GPC5: variants seen among roughly 807,000 people sequenced by gnomAD.
The protein encoded by GPC5 is glypican-5.
A neutral mutation model predicts 53.9 loss-of-function variants in GPC5; 47 were observed. That is an observed-to-expected ratio of 0.87 (90% CI 0.69 to 1.11). The LOEUF (loss-of-function observed/expected upper bound fraction) is 1.11, where lower values mean the gene tolerates loss of function less well. Ranked by LOEUF, GPC5 falls within the 50% of genes most tolerant of loss-of-function variation. The pLI is 0.00. For missense variants in GPC5, 748 were observed against 713.1 expected (o/e 1.05, Z -0.56); for synonymous variants, 286 against 263.3 (o/e 1.09, Z -0.84).
intron 1 of GPC5, among the ~76,000 whole-genome samples, chr13:91,433,061 A>G (rs1879622330): frequency 6.6e-6 from 1 of 152,174 alleles, no homozygotes; most frequent in Non-Finnish European, 1.5e-5. Context: ...ATTGGAGCTC[A>G]TAGTCTTGGA....
intron 5 of GPC5, among the ~76,000 whole-genome samples, chr13:91,826,104 G>A (rs2138844773): frequency 6.6e-6 from 1 of 151,660 alleles, no homozygotes; most frequent in East Asian, 1.9e-4. Flanking sequence ...AACTTCAGTT[G>A]AAAATAATAA....
chr13:92,121,375 A>C (rs1236854864), intron 6 of GPC5, among the ~76,000 whole-genome samples: 1 of 152,176 alleles, frequency 6.6e-6, no homozygotes, highest in African/African-American at 2.4e-5. Flanking sequence ...CTCTTTGAGA[A>C]GTCACACAAA....
At chr13:92,291,270 C>G (rs2042993477) in intron 7 of GPC5, among the ~76,000 whole-genome samples, 1 of 152,162 alleles carries the variant, frequency 6.6e-6, no homozygotes, top group Non-Finnish European at 1.5e-5. Flanking sequence ...CACCTGCCGC[C>G]CTGTGCAGGA....
chr13:91,829,418 A>G (rs80129308), intron 5 of GPC5, among the ~76,000 whole-genome samples: 1 of 152,100 alleles, frequency 6.6e-6, no homozygotes, highest in Non-Finnish European at 1.5e-5. Flanking sequence ...GGAGGACATA[A>G]TGAGGACATA....
intron 6 of GPC5, among the ~76,000 whole-genome samples, chr13:92,050,436 G>T (rs1049244845): frequency 2.6e-5 from 4 of 152,074 alleles, no homozygotes; most frequent in Admixed American, 2.6e-4. Context: ...TTGGAGGAAT[G>T]TAATACAGAC....
intron 5 of GPC5, among the ~76,000 whole-genome samples, chr13:91,854,161 G>C (rs1184567430): frequency 6.6e-6 from 1 of 151,716 alleles, no homozygotes; most frequent in Non-Finnish European, 1.5e-5. Flanking sequence ...TCTATAAACA[G>C]TTATAGTATG....
At chr13:91,634,395 A>G (rs1264325237) in intron 2 of GPC5, among the ~76,000 whole-genome samples, 1 of 152,038 alleles carries the variant, frequency 6.6e-6, no homozygotes, top group Non-Finnish European at 1.5e-5. Context: ...AAGATAAGAT[A>G]TTAGCTTAGG....
chr13:92,146,370 CT>C (rs1437731568), intron 7 of GPC5, among the ~76,000 whole-genome samples: 1 of 151,800 alleles, frequency 6.6e-6, no homozygotes, highest in African/African-American at 2.4e-5. Context: ...ATGAAAATGA[CT>C]GTTTCATTTA....
intron 2 of GPC5, among the ~76,000 whole-genome samples, chr13:91,577,025 C>T (rs2032164274): frequency 6.6e-6 from 1 of 152,108 alleles, no homozygotes; most frequent in Admixed American, 6.6e-5. Flanking sequence ...CTGTATTTGA[C>T]CTTCTCTCTA....
intron 2 of GPC5, among the ~76,000 whole-genome samples, chr13:91,489,017 C>T (rs142909914): frequency 6.1e-4 from 93 of 152,248 alleles, no homozygotes; most frequent in African/African-American, 1.9e-3. Context: ...CTTATTAGGC[C>T]GAGGAAATTC....
chr13:92,562,898 T>C (rs1882741915), intron 7 of GPC5, among the ~76,000 whole-genome samples: 1 of 151,992 alleles, frequency 6.6e-6, no homozygotes, highest in South Asian at 2.1e-4. Flanking sequence ...TTTTGCCGAA[T>C]GGTAAACCAT....
At chr13:92,139,666 CAAAAAAA>C (rs5805729) in intron 6 of GPC5, among the ~76,000 whole-genome samples, 2 of 94,174 alleles carry the variant, frequency 2.1e-5, no homozygotes, top group South Asian at 3.8e-4. Context: ...GATTCCGTCT[CAAAAAAA>C]AAAAAAAAAA....
At chr13:92,747,175 A>C (rs1162311482) in intron 7 of GPC5, among the ~76,000 whole-genome samples, 1 of 152,138 alleles carries the variant, frequency 6.6e-6, no homozygotes, top group Non-Finnish European at 1.5e-5. Context: ...CCCCACTGAC[A>C]TATCCATTTT....
At chr13:92,607,925 T>C (rs1178142771) in intron 7 of GPC5, among the ~76,000 whole-genome samples, 1 of 152,176 alleles carries the variant, frequency 6.6e-6, no homozygotes, top group East Asian at 1.9e-4. Context: ...CCTCTTTCTC[T>C]TCAGCCTAAT....
At chr13:92,185,094 A>G (rs935099168) in intron 7 of GPC5, among the ~76,000 whole-genome samples, 10 of 152,162 alleles carry the variant, frequency 6.6e-5, no homozygotes, top group African/African-American at 2.4e-4. Flanking sequence ...AGTTAGATGC[A>G]CTGAGTCCCA....
At chr13:92,273,873 A>G (rs1390043660) in intron 7 of GPC5, among the ~76,000 whole-genome samples, 1 of 152,130 alleles carries the variant, frequency 6.6e-6, no homozygotes, top group Admixed American at 6.6e-5. Context: ...AATAAGAAAA[A>G]TTATCCAATA....
chr13:92,808,321 C>T (rs1566427449), intron 7 of GPC5, among the ~76,000 whole-genome samples: 2 of 152,044 alleles, frequency 1.3e-5, no homozygotes, highest in Non-Finnish European at 2.9e-5. Context: ...CATAGCACAA[C>T]AGCTTCTTAG....
intron 7 of GPC5, among the ~76,000 whole-genome samples, chr13:92,511,427 C>T (rs1243271141): frequency 6.6e-6 from 1 of 152,094 alleles, no homozygotes; most frequent in Non-Finnish European, 1.5e-5. Context: ...GAAATATTTC[C>T]TAACGGTCAT....
intron 4 of GPC5, among the ~76,000 whole-genome samples, chr13:91,753,393 A>G (rs945380812): frequency 6.6e-6 from 1 of 152,162 alleles, no homozygotes; most frequent in African/African-American, 2.4e-5. Flanking sequence ...ACAATTAGAA[A>G]TTGTGTGTGT....
Sources: allele counts gnomAD v4.1 joint callset (sites outside exome capture counted in the v4.1 genomes callset), GRCh38; gene constraint gnomAD v4.1.1; transcripts MANE v1.5; gene names NCBI Gene and HGNC (gene_info 2026-07-23, HGNC 2026-07-21).